The following TBC1D12 variants were observed in gnomAD, a reference collection of about 807,000 sequenced individuals.
TBC1D12 encodes TBC1 domain family member 12.
TBC1D12 carries 56 observed loss-of-function variants against 86.7 expected under a neutral mutation model. The observed-to-expected ratio is 0.65, with a 90% CI of 0.52 to 0.81. TBC1D12 has a LOEUF of 0.81. Ranked by LOEUF, TBC1D12 falls within the 30% of genes least tolerant of loss-of-function variation. The pLI is 0.00. For synonymous variants in TBC1D12, 421 were observed against 411.7 expected, an observed-to-expected ratio of 1.02 and a Z score of -0.27; for missense variants, 1,023 against 1,038.8, an observed-to-expected ratio of 0.98 and a Z score of 0.21.
At chr10:94,491,352 A>C (rs1328486136) in intron 3 of TBC1D12, among the ~76,000 whole-genome samples, 1 of 152,190 alleles carries the variant, frequency 6.6e-6, no homozygotes, top group Non-Finnish European at 1.5e-5. Flanking sequence ...TTTCCACACT[A>C]GCCTGTTGAA....
chr10:94,477,048 A>T (rs1176623473), intron 3 of TBC1D12, among the ~76,000 whole-genome samples: 1 of 152,234 alleles, frequency 6.6e-6, no homozygotes, highest in Non-Finnish European at 1.5e-5. Flanking sequence ...TAACATTATG[A>T]AAAGAACTCA....
At chr10:94,415,409 T>C (rs2054985765) in intron 1 of TBC1D12, among the ~76,000 whole-genome samples, 1 of 152,336 alleles carries the variant, frequency 6.6e-6, no homozygotes, top group African/African-American at 2.4e-5. Flanking sequence ...TTCAGAATTC[T>C]GTTTTGGTCA....
At chr10:94,505,969 C>A (rs2056455104) in intron 6 of TBC1D12, among the ~76,000 whole-genome samples, 1 of 151,958 alleles carries the variant, frequency 6.6e-6, no homozygotes, top group Non-Finnish European at 1.5e-5. Context: ...AGAATTAGAG[C>A]TCTGATAACC....
At chr10:94,519,353 C>A (rs1234311964) in intron 9 of TBC1D12, among the ~76,000 whole-genome samples, 1 of 152,036 alleles carries the variant, frequency 6.6e-6, no homozygotes, top group African/African-American at 2.4e-5. Flanking sequence ...GTGCTAGTTC[C>A]CTATGGATAC....
intron 1 of TBC1D12, among the ~76,000 whole-genome samples, chr10:94,413,629 G>A (rs2054956665): frequency 6.6e-6 from 1 of 152,094 alleles, no homozygotes; most frequent in Non-Finnish European, 1.5e-5. Context: ...CTGCAATTAA[G>A]AGAAGTTTAC....
intron 1 of TBC1D12, among the ~76,000 whole-genome samples, chr10:94,412,691 G>A (rs1053470201): frequency 6.6e-6 from 1 of 152,314 alleles, no homozygotes; most frequent in East Asian, 1.9e-4. Context: ...TTGGGAAAGA[G>A]TGGAAACATT....
chr10:94,443,629 A>T (rs1490806928), intron 2 of TBC1D12, among the ~76,000 whole-genome samples: 1 of 152,236 alleles, frequency 6.6e-6, no homozygotes, highest in African/African-American at 2.4e-5. Context: ...CATCAGTTGG[A>T]TATGGTGGAG....
chr10:94,478,012 G>A (rs912808312), intron 3 of TBC1D12, among the ~76,000 whole-genome samples: 3 of 152,206 alleles, frequency 2.0e-5, no homozygotes, highest in African/African-American at 7.2e-5. Flanking sequence ...TAGGCATGGT[G>A]GCTCACATCT....
chr10:94,419,083 G>A (rs2134060080), intron 1 of TBC1D12, among the ~76,000 whole-genome samples: 2 of 151,874 alleles, frequency 1.3e-5, no homozygotes, highest in African/African-American at 4.8e-5. Context: ...CCATGTTGGC[G>A]AGAATAGTCT....
chr10:94,436,785 G>GA (rs78413404), intron 1 of TBC1D12, among the ~76,000 whole-genome samples: 1 of 150,742 alleles, frequency 6.6e-6, no homozygotes, highest in Non-Finnish European at 1.5e-5. Context: ...TTTAAAAAAA[G>GA]AAAAAAATCT....
At chr10:94,496,588 T>G (rs2056324222) in intron 4 of TBC1D12, among the ~76,000 whole-genome samples, 2 of 152,096 alleles carry the variant, frequency 1.3e-5, no homozygotes, top group Non-Finnish European at 2.9e-5. Flanking sequence ...TCATAAGAAA[T>G]TTGACTTCAT....
intron 8 of TBC1D12, among the ~76,000 whole-genome samples, chr10:94,511,115 TTTG>T (rs2056521445): frequency 1.4e-5 from 2 of 147,728 alleles, no homozygotes; most frequent in African/African-American, 2.5e-5. Context: ...TTTTTTTTTT[TTTG>T]AGAGATTCTC....
At chr10:94,519,831 A>ATT (rs1450982326) in intron 9 of TBC1D12, among the ~76,000 whole-genome samples, 1 of 152,118 alleles carries the variant, frequency 6.6e-6, no homozygotes, top group Non-Finnish European at 1.5e-5. Flanking sequence ...CCTCATGATG[A>ATT]TTACTTCAGG....
intron 2 of TBC1D12, among the ~76,000 whole-genome samples, chr10:94,473,198 CAA>C (rs529280932): frequency 3.0e-5 from 4 of 132,990 alleles, no homozygotes. Flanking sequence ...ACTAAAAATA[CAA>C]AAAAAAAAAA....
At chr10:94,487,829 T>A (rs2056190082) in intron 3 of TBC1D12, among the ~76,000 whole-genome samples, 1 of 151,532 alleles carries the variant, frequency 6.6e-6, no homozygotes, top group African/African-American at 2.4e-5. Context: ...CCCGAGTAGC[T>A]GGGACTACAG....
chr10:94,506,320 T>A (rs979461804), intron 6 of TBC1D12, among the ~76,000 whole-genome samples: 3 of 152,238 alleles, frequency 2.0e-5, no homozygotes, highest in Non-Finnish European at 2.9e-5. Context: ...ATTACAGGCA[T>A]GAGCCACCAT....
intron 2 of TBC1D12, among the ~76,000 whole-genome samples, chr10:94,465,844 A>G (rs1210674786): frequency 6.6e-6 from 1 of 151,370 alleles, no homozygotes; most frequent in Non-Finnish European, 1.5e-5. Flanking sequence ...GCATACATAT[A>G]TACGTACATG....
rs200320809 is a variant in TBC1D12 at position 94,517,594 on chromosome 10, TAA to T, written c.1762-4359_1762-4358del. On this transcript the variant is annotated intron_variant, in intron 9 of 12. Transcript: ENST00000225235. ...GCTCTGTTAGGTCACTGAATTTATG[TAA>T]AGTGACCACCATATAACTTAACTGG... is the stretch of plus-strand genomic sequence containing the variant. 2.0e-3 allele frequency among the ~76,000 whole-genome samples: 308 copies of T among 152,298 alleles called. 7 individuals are homozygous for T. The East Asian group carries it at 0.052, about 26-fold the overall frequency.
chr10:94,413,575 G>A (rs987750525), intron 1 of TBC1D12, among the ~76,000 whole-genome samples: 1 of 152,164 alleles, frequency 6.6e-6, no homozygotes, highest in Non-Finnish European at 1.5e-5. Context: ...ATAAGAAAGA[G>A]AGGGAAACCC....
Sources: allele counts gnomAD v4.1 joint callset (sites outside exome capture counted in the v4.1 genomes callset), GRCh38; gene constraint gnomAD v4.1.1; transcripts MANE v1.5; gene names NCBI Gene and HGNC (gene_info 2026-07-23, HGNC 2026-07-21).